Variants in UBR1 observed in about 807,000 individuals in gnomAD.
UBR1 encodes E3 ubiquitin-protein ligase UBR1.
Under a neutral mutation model 242.1 loss-of-function variants are expected in UBR1, and 102 were observed. That is an observed-to-expected ratio of 0.42 (90% CI 0.36 to 0.50). The LOEUF is 0.50. Among genes scored for constraint, UBR1 ranks in the 20% least tolerant of loss-of-function variants. UBR1 has a pLI of 0.01. For missense variants in UBR1, 1,772 were observed against 2,101.8 expected (o/e 0.84, Z 3.07); for synonymous variants, 675 against 684.8 (o/e 0.99, Z 0.22).
intron 5 of UBR1, among the ~76,000 whole-genome samples, chr15:43,069,105 C>G (rs56021656): frequency 0.036 from 5,474 of 152,210 alleles, 315 homozygotes; most frequent in African/African-American, 0.12. Flanking sequence ...GACTTAAGCG[C>G]CAGCACTGCC....
chr15:43,039,835 T>C (rs2033392510), intron 15 of UBR1, among the ~76,000 whole-genome samples: 1 of 152,210 alleles, frequency 6.6e-6, no homozygotes, highest in South Asian at 2.1e-4. Flanking sequence ...TAGCTCTTAT[T>C]ATTTTGAGAT....
At chr15:43,103,592 C>T (rs775834758) in intron 1 of UBR1, among the ~76,000 whole-genome samples, 5 of 152,092 alleles carry the variant, frequency 3.3e-5, no homozygotes, top group Admixed American at 6.6e-5. Context: ...CTAATTCATA[C>T]GTATTATTTT....
At chr15:43,066,419 T>C (rs1394509975) in intron 6 of UBR1, among the ~76,000 whole-genome samples, 1 of 152,236 alleles carries the variant, frequency 6.6e-6, no homozygotes, top group Non-Finnish European at 1.5e-5. Flanking sequence ...TTGTTCTTTT[T>C]GCTTAGGATT....
chr15:43,033,429 A>G (rs2033284385), intron 19 of UBR1, among the ~76,000 whole-genome samples: 1 of 152,094 alleles, frequency 6.6e-6, no homozygotes, highest in Admixed American at 6.5e-5. Context: ...GTGGATCACA[A>G]GGTCAGGAGT....
At chr15:43,031,291 A>G (rs1477147738) in intron 20 of UBR1, among the ~76,000 whole-genome samples, 2 of 152,214 alleles carry the variant, frequency 1.3e-5, no homozygotes, top group South Asian at 2.1e-4. Context: ...GGCAAACACA[A>G]TAATAGTAAA....
intron 1 of UBR1, among the ~76,000 whole-genome samples, chr15:43,094,134 CA>C (rs1410059774): frequency 2.0e-5 from 3 of 152,080 alleles, no homozygotes; most frequent in Non-Finnish European, 4.4e-5. Context: ...TAAACTGCTT[CA>C]AAAGATCACA....
At chr15:43,014,856 C>A (rs1223129186) in intron 29 of UBR1, among the ~76,000 whole-genome samples, 1 of 151,352 alleles carries the variant, frequency 6.6e-6, no homozygotes, top group African/African-American at 2.4e-5. Flanking sequence ...CCCGCCCGGC[C>A]AGCCGCCCCG....
intron 33 of UBR1, among the ~76,000 whole-genome samples, chr15:42,990,809 G>T (rs893446087): frequency 6.6e-6 from 1 of 152,176 alleles, no homozygotes; most frequent in Non-Finnish European, 1.5e-5. Context: ...AAGCCAAGCT[G>T]CCTGGGTTTG....
At position 42,967,666 on chromosome 15, in the gene UBR1, A is replaced by G. The variant is rs369970187; in HGVS notation, c.4458-1380T>C. On this transcript the variant is annotated intron_variant, in intron 40 of 46. Transcript: ENST00000290650. ...TGGTTAGTCAATTGTAACAAATGGT[A>G]CCTCCCTAATGCAAGGTATTAATAA... Among the ~76,000 whole-genome samples, 9 of 151,890 alleles carry G rather than the reference A, an allele frequency of 5.9e-5. No homozygotes were observed. In the East Asian group the frequency reaches 1.2e-3, roughly 20 times the overall value.
chr15:42,994,145 G>GT (rs1157865810), intron 33 of UBR1, among the ~76,000 whole-genome samples: 6 of 152,050 alleles, frequency 3.9e-5, no homozygotes, highest in Non-Finnish European at 5.9e-5. Context: ...CTTTTGTTAA[G>GT]TATTATTTTA....
At chr15:43,007,906 C>T (rs547800186) in intron 29 of UBR1, among the ~76,000 whole-genome samples, 10 of 152,192 alleles carry the variant, frequency 6.6e-5, no homozygotes, top group East Asian at 5.8e-4. Flanking sequence ...CTATTTTGGT[C>T]GCTATTCAAA....
rs1033614749 is a variant in UBR1 at position 43,105,839 on chromosome 15, C to T, written c.81+103G>A. ...CCTTCCAGATCAATCCAGATAACTC[C>T]CCCTCCCCAGAGCCGCCATAAGGGG... On this transcript the variant is annotated intron_variant, in intron 1 of 46. Transcript: ENST00000290650. The T allele has an allele frequency of 3.1e-5, 35 of 1,144,902 alleles. No individual in the cohort carries two copies. The African/African-American group carries it at 5.1e-4, about 17-fold the overall frequency. 70.9% of individuals were successfully genotyped at this position (1,144,902 alleles called of 1,614,324 possible). A position where few individuals can be genotyped will look rare whatever the true frequency, so the allele number is the denominator to read the frequency against.
At chr15:43,077,089 C>T (rs1331476549) in intron 3 of UBR1, among the ~76,000 whole-genome samples, 4 of 130,296 alleles carry the variant, frequency 3.1e-5, no homozygotes, top group Non-Finnish European at 6.7e-5. Flanking sequence ...CGCTTCTGCC[C>T]GGCCGCCCCT....
At chr15:42,995,426 G>A (rs903937351) in intron 33 of UBR1, among the ~76,000 whole-genome samples, 1 of 151,546 alleles carries the variant, frequency 6.6e-6, no homozygotes, top group Non-Finnish European at 1.5e-5. Flanking sequence ...TTGGGAGGCC[G>A]AGGCGGGTGG....
chr15:42,992,765 C>T (rs991299283), intron 33 of UBR1, among the ~76,000 whole-genome samples: 10 of 152,178 alleles, frequency 6.6e-5, no homozygotes, highest in Non-Finnish European at 1.2e-4. Flanking sequence ...GCCCTTTTCC[C>T]CAGTTTCTCT....
Position 43,048,508 on chromosome 15 carries a change from G to T in UBR1, c.1440-17C>A, listed in dbSNP as rs985364597. 5 of 1,571,724 alleles carry T rather than the reference G, an allele frequency of 3.2e-6. No individual in the cohort carries two copies. Among genetic ancestry groups the T allele is most frequent in the Admixed American group, 3.3e-5 (2 of 59,804 alleles). On this transcript the variant is annotated splice_polypyrimidine_tract_variant and intron_variant, in intron 12 of 46. Transcript: ENST00000290650. The stretch of plus-strand genomic sequence containing the variant: ...AGGATATACCTATCGTTTCAAGAAA[G>T]AAAGAAATATTTCATTTATCTATTT...
chr15:43,019,761 ATTTT>A (rs11413335), intron 27 of UBR1, among the ~76,000 whole-genome samples: 1 of 138,204 alleles, frequency 7.2e-6, no homozygotes, highest in Non-Finnish European at 1.6e-5. Flanking sequence ...CGCCCAGCTA[ATTTT>A]TTTTTTTTTT....
At chr15:42,994,125 T>G (rs2032597413) in intron 33 of UBR1, among the ~76,000 whole-genome samples, 1 of 152,198 alleles carries the variant, frequency 6.6e-6, no homozygotes, top group Non-Finnish European at 1.5e-5. Context: ...TTGTTAGGTT[T>G]TTGAGCTCTC....
intron 39 of UBR1, among the ~76,000 whole-genome samples, chr15:42,975,907 A>G (rs2141266295): frequency 6.6e-6 from 1 of 152,238 alleles, no homozygotes; most frequent in East Asian, 1.9e-4. Flanking sequence ...TTGTAGAGAT[A>G]GGGTCTCACC....
Sources: allele counts gnomAD v4.1 joint callset (sites outside exome capture counted in the v4.1 genomes callset), GRCh38; gene constraint gnomAD v4.1.1; transcripts MANE v1.5; gene names NCBI Gene and HGNC (gene_info 2026-07-23, HGNC 2026-07-21).